The following RANBP2 variants were observed in gnomAD, a reference collection of about 807,000 sequenced individuals.
The protein encoded by RANBP2 is E3 SUMO-protein ligase RanBP2.
RANBP2 carries 57 observed loss-of-function variants against 303.6 expected under a neutral mutation model. The ratio of observed to expected loss-of-function variants is 0.19; its 90% CI spans 0.15 to 0.23. The LOEUF is 0.23. Ranked by LOEUF, RANBP2 falls within the 10% of genes least tolerant of loss-of-function variation. The pLI is 1.00. For missense variants in RANBP2, 3,138 were observed against 3,780.8 expected, an observed-to-expected ratio of 0.83 and a Z score of 4.46; for synonymous variants, 1,167 against 1,301.5, an observed-to-expected ratio of 0.90 and a Z score of 2.23.
At chr2:109,201,132 T>TA in the RANBP2 span, among the ~76,000 whole-genome samples, 51 of 152,362 alleles carry the variant, frequency 3.3e-4, no homozygotes, top group African/African-American at 1.2e-3. Context: ...TTATATCAGG[T>TA]ACGGCTCTGG....
the RANBP2 span, among the ~76,000 whole-genome samples, chr2:109,675,048 C>T: frequency 6.6e-6 from 1 of 152,146 alleles, no homozygotes; most frequent in Non-Finnish European, 1.5e-5. Flanking sequence ...TAGCTCACTG[C>T]AGCTTTGAAC....
At chr2:109,432,571 C>T in the RANBP2 span, 24 of 1,613,520 alleles carry the variant, frequency 1.5e-5, no homozygotes, top group East Asian at 6.7e-5. Context: ...AGAGATGTAC[C>T]GGGTCCTCGA....
the RANBP2 span, among the ~76,000 whole-genome samples, chr2:109,159,859 C>G: frequency 3.9e-5 from 6 of 152,214 alleles, no homozygotes; most frequent in Non-Finnish European, 8.8e-5. Context: ...CCGTCACCCT[C>G]AGATGAGACT....
At chr2:109,511,778 T>C in the RANBP2 span, among the ~76,000 whole-genome samples, 21 of 152,270 alleles carry the variant, frequency 1.4e-4, no homozygotes, top group African/African-American at 4.6e-4. Context: ...CTCCCTGCAT[T>C]TTCATGGCTG....
chr2:109,410,293 G>A, the RANBP2 span, among the ~76,000 whole-genome samples: 4 of 152,340 alleles, frequency 2.6e-5, no homozygotes, highest in Middle Eastern at 3.4e-3. Context: ...CAGCTCCAGC[G>A]CTGTGTGCCA....
chr2:109,723,615 G>T, the RANBP2 span, among the ~76,000 whole-genome samples: 26 of 151,600 alleles, frequency 1.7e-4, no homozygotes, highest in South Asian at 4.2e-4. Flanking sequence ...TTTTAATGGG[G>T]TTTTTTTTCC....
the RANBP2 span, among the ~76,000 whole-genome samples, chr2:109,272,718 AG>A: frequency 7.9e-5 from 12 of 152,206 alleles, no homozygotes; most frequent in Non-Finnish European, 1.5e-4. Context: ...TGGTCAGCAG[AG>A]GGGCACTGGC....
chr2:108,999,310 T>C, the RANBP2 span, among the ~76,000 whole-genome samples: 1 of 152,236 alleles, frequency 6.6e-6, no homozygotes, highest in African/African-American at 2.4e-5. Context: ...TGTTAAGTAA[T>C]GTTAGCTCCA....
the RANBP2 span, among the ~76,000 whole-genome samples, chr2:109,295,263 C>T: frequency 3.3e-5 from 5 of 152,212 alleles, no homozygotes; most frequent in Admixed American, 6.5e-5. Flanking sequence ...CTTGGGCCTG[C>T]GGTGGCTCCA....
intron 25 of RANBP2, among the ~76,000 whole-genome samples, chr2:108,779,417 G>A (rs1375837600): frequency 6.6e-5 from 10 of 151,958 alleles, no homozygotes; most frequent in Admixed American, 4.6e-4. Context: ...AGCCCGCCTC[G>A]GCCTCCTAAA....
At chr2:109,107,040 C>T in the RANBP2 span, among the ~76,000 whole-genome samples, 9 of 150,108 alleles carry the variant, frequency 6.0e-5, no homozygotes, top group East Asian at 2.0e-4. Context: ...TGGGTTCAAG[C>T]GATTCTTCTG....
the RANBP2 span, among the ~76,000 whole-genome samples, chr2:109,668,838 C>T: frequency 1.3e-5 from 2 of 152,122 alleles, no homozygotes; most frequent in Admixed American, 1.3e-4. Flanking sequence ...CAATTGGAAC[C>T]CTCCTAGCCC....
chr2:108,840,842 C>CTGTCTCACCTAGGCTGAGGT, the RANBP2 span, among the ~76,000 whole-genome samples: 1 of 150,920 alleles, frequency 6.6e-6, no homozygotes, highest in Admixed American at 6.6e-5. Context: ...GAGCCTCACT[C>CTGTCTCACCTAGGCTGAGGT]ACTCTCTTAC....
the RANBP2 span, among the ~76,000 whole-genome samples, chr2:109,707,067 T>A: frequency 9.8e-5 from 15 of 152,368 alleles, no homozygotes; most frequent in East Asian, 2.9e-3. Flanking sequence ...TCTTACTCTA[T>A]TTTATTTTGA....
At chr2:109,756,482 CA>C in the RANBP2 span, among the ~76,000 whole-genome samples, 2 of 130,618 alleles carry the variant, frequency 1.5e-5, 1 homozygote, top group South Asian at 5.4e-4. Context: ...CCTGATGAAA[CA>C]CCTACCTCCA....
the RANBP2 span, among the ~76,000 whole-genome samples, chr2:109,405,237 A>C: frequency 6.6e-6 from 1 of 152,050 alleles, no homozygotes; most frequent in Non-Finnish European, 1.5e-5. Flanking sequence ...AACCGATGAC[A>C]CCCCTCTTTC....
chr2:109,602,105 G>A, the RANBP2 span, among the ~76,000 whole-genome samples: 1 of 152,176 alleles, frequency 6.6e-6, no homozygotes, highest in Admixed American at 6.5e-5. Context: ...GGTTCCAACA[G>A]CGGCACAGTA....
the RANBP2 span, among the ~76,000 whole-genome samples, chr2:109,127,024 T>C: frequency 6.6e-6 from 1 of 152,232 alleles, no homozygotes; most frequent in Non-Finnish European, 1.5e-5. Flanking sequence ...CATGTTTCCA[T>C]GCACTGCGAG....
chr2:108,838,520 TG>T, the RANBP2 span, among the ~76,000 whole-genome samples: 4 of 152,196 alleles, frequency 2.6e-5, no homozygotes, highest in African/African-American at 7.2e-5. Flanking sequence ...TTTCTTAGGC[TG>T]GTATCTCAGA....
Sources: allele counts gnomAD v4.1 joint callset (sites outside exome capture counted in the v4.1 genomes callset), GRCh38; gene constraint gnomAD v4.1.1; transcripts MANE v1.5; gene names NCBI Gene and HGNC (gene_info 2026-07-23, HGNC 2026-07-21).